PRKAR1B: variants seen among roughly 807,000 people sequenced by gnomAD.
PRKAR1B encodes cAMP-dependent protein kinase type I-beta regulatory subunit.
A neutral mutation model predicts 46.5 loss-of-function variants in PRKAR1B; 22 were observed. That is an observed-to-expected ratio of 0.47 (90% CI 0.34 to 0.68). PRKAR1B has a LOEUF of 0.68. PRKAR1B is among the 30% of genes least tolerant of loss of function. The probability of loss-of-function intolerance (pLI) is 0.01; values close to 1 mark genes in which losing one functional copy is unlikely to be tolerated. For missense variants in PRKAR1B, 445 were observed against 535.6 expected (o/e 0.83, Z 1.67); for synonymous variants, 259 against 217.7 (o/e 1.19, Z -1.67).
intron 4 of PRKAR1B, among the ~76,000 whole-genome samples, chr7:646,254 G>A (rs1784616002): frequency 6.6e-6 from 1 of 152,210 alleles, no homozygotes; most frequent in South Asian, 2.1e-4. Flanking sequence ...ATGTTCCCCA[G>A]GCTGGTCTCA....
At chr7:718,980 T>G (rs1278257248) in intron 1 of PRKAR1B, among the ~76,000 whole-genome samples, 1 of 146,138 alleles carries the variant, frequency 6.8e-6, no homozygotes, top group Non-Finnish European at 1.5e-5. Context: ...CAAGTGATCC[T>G]CCCACCCCAG....
chr7:585,653 G>T (rs1780554161), intron 7 of PRKAR1B, among the ~76,000 whole-genome samples: 1 of 152,064 alleles, frequency 6.6e-6, no homozygotes, highest in Admixed American at 6.5e-5. Context: ...AGGTCAGGGA[G>T]GGGGGCTCTT....
intron 7 of PRKAR1B, among the ~76,000 whole-genome samples, chr7:590,800 G>A (rs12720010): frequency 0.66 from 100,270 of 151,948 alleles, 34,797 homozygotes; most frequent in South Asian, 0.89. Flanking sequence ...CGGTGCAGAC[G>A]GCACTTCTCC....
chr7:625,608 G>A (rs1028527497), intron 4 of PRKAR1B, among the ~76,000 whole-genome samples: 12 of 151,350 alleles, frequency 7.9e-5, no homozygotes, highest in Admixed American at 7.2e-4. Flanking sequence ...TATGGACAAG[G>A]GGCATCACTA....
intron 4 of PRKAR1B, among the ~76,000 whole-genome samples, chr7:632,924 C>T (rs1304679005): frequency 4.6e-5 from 7 of 152,330 alleles, no homozygotes; most frequent in East Asian, 1.9e-4. Flanking sequence ...AGTGCCTGTC[C>T]GGGAAGCAGA....
chr7:621,926 C>G (rs889452618), intron 4 of PRKAR1B, among the ~76,000 whole-genome samples: 3 of 152,248 alleles, frequency 2.0e-5, no homozygotes, highest in Non-Finnish European at 4.4e-5. Context: ...AAACCCCATG[C>G]AGCCGCTCCC....
chr7:695,293 C>G (rs905638540), intron 2 of PRKAR1B, among the ~76,000 whole-genome samples: 6 of 152,170 alleles, frequency 3.9e-5, no homozygotes, highest in Non-Finnish European at 8.8e-5. Context: ...GCCCCAGAAT[C>G]GAGTAACCCA....
intron 7 of PRKAR1B, among the ~76,000 whole-genome samples, chr7:592,450 C>A (rs764298246): frequency 3.8e-4 from 58 of 150,840 alleles, no homozygotes; most frequent in Non-Finnish European, 7.0e-4. Flanking sequence ...CCGAGTCACT[C>A]CGGACATCGG....
chr7:579,417 C>T (rs376923047), intron 8 of PRKAR1B, 40 bp from the exon 9 acceptor site: 13 of 1,607,184 alleles, frequency 8.1e-6, no homozygotes, highest in Non-Finnish European at 1.1e-5. Context: ...CCGGGGCCCA[C>T]GCCCCCACAG....
In PRKAR1B at chr7:583,453, CCACTCA is replaced by C. The variant is rs1206043278; in HGVS notation, c.769+1049_769+1054del. 3.1e-4 allele frequency among the ~76,000 whole-genome samples: 44 copies of C among 142,142 alleles called. 1 individual carries two copies. Among genetic ancestry groups the C allele is most frequent in the African/African-American group, 1.2e-3 (42 of 35,790 alleles). The allele number at this position is 142,142 out of a possible 152,430, so 93.3% of individuals were successfully genotyped here. On this transcript the variant is annotated intron_variant, in intron 8 of 10. Transcript: ENST00000537384. ...ACACACCCACAGTGCACACTCACAC[CCACTCA>C]CACACGTGCACTCACACCCACGCAC...
In PRKAR1B at chr7:596,215, C is replaced by G. The variant is rs772063510; in HGVS notation, c.639G>C (p.Ala213=). ...LALIYGTPRA[A]TVKAKTDLKL... is the part of the protein sequence containing the mutation. ...TGAGGTCCGTCTTGGCTTTCACGGT[C>G]GCAGCCCTGGGGGTGCCGTAGATGA... Residue 213 remains alanine, a synonymous_variant, in exon 7 of 11, where the codon GCG becomes GCC. Transcript: ENST00000537384. 6.2e-7 allele frequency: 1 copy of G among 1,613,898 alleles called. No individual in the cohort carries two copies. The highest frequency in any genetic ancestry group is 1.3e-5 in the African/African-American group (1 of 74,934).
intron 1 of PRKAR1B, among the ~76,000 whole-genome samples, chr7:726,384 T>C (rs537342043): frequency 1.1e-3 from 161 of 152,086 alleles, no homozygotes; most frequent in Non-Finnish European, 1.8e-3. Context: ...ACCACTCAGG[T>C]TCCTTCTCCA....
chr7:669,923 T>C (rs1389095881), intron 4 of PRKAR1B, among the ~76,000 whole-genome samples: 13 of 141,542 alleles, frequency 9.2e-5, no homozygotes. Flanking sequence ...TGGAGTGCAG[T>C]GGCACGATCT....
At chr7:566,536 A>G (rs796607644) in intron 9 of PRKAR1B, among the ~76,000 whole-genome samples, 1 of 1,834 alleles carries the variant, frequency 5.5e-4, no homozygotes, top group Non-Finnish European at 1.5e-3. Context: ...CATTATGGCC[A>G]CCACCATCAC....
In PRKAR1B at chr7:581,411, T is replaced by G. The variant is rs140749395; in HGVS notation, c.770-2034A>C. 7.9e-3 allele frequency among the ~76,000 whole-genome samples: 1,198 copies of G among 152,180 alleles called. 63 individuals carry two copies. The highest frequency in any genetic ancestry group is 0.068 in the Admixed American group (1,035 of 15,268). On this transcript the variant is annotated intron_variant, in intron 8 of 10. Transcript: ENST00000537384. ...AACACATCAGTGCACACCTGACAAT[T>G]AAATGATGCAGGTGATTTTTTAGAG...
chr7:725,702 G>C (rs541675715), intron 1 of PRKAR1B, among the ~76,000 whole-genome samples: 5 of 152,290 alleles, frequency 3.3e-5, no homozygotes, highest in South Asian at 4.1e-4. Context: ...CACAAGATTA[G>C]AAATTGTGGT....
chr7:677,891 C>G (rs1425156254), intron 3 of PRKAR1B, among the ~76,000 whole-genome samples: 1 of 152,180 alleles, frequency 6.6e-6, no homozygotes, highest in African/African-American at 2.4e-5. Context: ...ATGATAGAGC[C>G]TATCGCTCTA....
chr7:573,235 A>G (rs762764485), intron 9 of PRKAR1B, among the ~76,000 whole-genome samples: 1 of 152,234 alleles, frequency 6.6e-6, no homozygotes, highest in Non-Finnish European at 1.5e-5. Context: ...AATACATTTT[A>G]CAGCGCTATG....
chr7:644,457 G>C lies in PRKAR1B; in HGVS notation c.440+32772C>G, dbSNP rs940575867. 6.6e-6 allele frequency among the ~76,000 whole-genome samples: 1 copy of C among 152,136 alleles called. No homozygotes were observed. Among genetic ancestry groups the C allele is most frequent in the Non-Finnish European group, 1.5e-5 (1 of 68,002 alleles). The stretch of plus-strand genomic sequence containing the variant: ...CACGGGAAGCCCTCTCTGCCTGCAG[G>C]CTCTTGCATCAGGAGGGAAGCCCCA... On this transcript the variant is annotated intron_variant, in intron 4 of 10. Coordinates refer to ENST00000537384, the MANE Select transcript of PRKAR1B (RefSeq NM_001164760.2). The surrounding 1 kb of genome is among the most constrained non-coding windows in gnomAD (Gnocchi z 4.9).
Sources: allele counts gnomAD v4.1 joint callset (sites outside exome capture counted in the v4.1 genomes callset), GRCh38; gene constraint gnomAD v4.1.1; non-coding constraint Gnocchi (gnomAD v3.1); transcripts MANE v1.5; gene names NCBI Gene and HGNC (gene_info 2026-07-23, HGNC 2026-07-21).